Variants in NSL1 observed in about 807,000 individuals in gnomAD.
The protein encoded by NSL1 is kinetochore-associated protein NSL1 homolog.
Under a neutral mutation model 25.4 loss-of-function variants are expected in NSL1, and 11 were observed. That is an observed-to-expected ratio of 0.43 (90% CI 0.27 to 0.72). The LOEUF is 0.72. Ranked by LOEUF, NSL1 falls within the 30% of genes least tolerant of loss-of-function variation. The pLI, the probability that NSL1 is intolerant of heterozygous loss-of-function variation, is 0.19. For synonymous variants in NSL1, 118 were observed against 120.6 expected (o/e 0.98, Z 0.14); for missense variants, 330 against 342.7 (o/e 0.96, Z 0.29).
Position 212,735,123 on chromosome 1 carries a change from G to A in NSL1, c.*3285C>T, listed in dbSNP as rs1031321157. 2.0e-5 allele frequency: 4 copies of A among 197,040 alleles called. No individual in the cohort carries two copies. The highest frequency in any genetic ancestry group is 2.7e-5 in the Non-Finnish European group (3 of 109,100). 12.2% of individuals were successfully genotyped at this position (197,040 alleles called of 1,614,324 possible). ...GCCCAATGTCACTGAACTAATAATG[G>A]TAGAACTGCAATCTGAACCCAGATG... On this transcript the variant is annotated 3_prime_UTR_variant, in exon 6 of 6. Transcript: ENST00000366977.
intron 4 of NSL1, among the ~76,000 whole-genome samples, chr1:212,769,777 G>A (rs922210542): frequency 6.6e-6 from 1 of 152,088 alleles, no homozygotes. Context: ...TAAACAATGA[G>A]AGAAAGGAAC....
At position 212,727,988 on chromosome 1, in the gene NSL1, G is replaced by A. The variant is rs1657856422; in HGVS notation, c.*10420C>T. On this transcript the variant is annotated 3_prime_UTR_variant, in exon 6 of 6. Transcript: ENST00000366977. Reference sequence around the variant, plus strand: ...CAAGGCCTTTGCTGTGAACCACGGGGAGAAGGTGGAAGCAGAGTTTGTGGT... The same window carrying A: ...CAAGGCCTTTGCTGTGAACCACGGGAAGAAGGTGGAAGCAGAGTTTGTGGT... 10 of 985,452 alleles carry A rather than the reference G, an allele frequency of 1.0e-5. No homozygotes were observed. The highest frequency in any genetic ancestry group is 1.2e-5 in the Non-Finnish European group (10 of 829,940). The allele number at this position is 985,452 out of a possible 1,614,324, so 61.0% of individuals were successfully genotyped here.
chr1:212,761,024 C>G (rs972981323), intron 4 of NSL1, among the ~76,000 whole-genome samples: 1 of 152,198 alleles, frequency 6.6e-6, no homozygotes, highest in African/African-American at 2.4e-5. Flanking sequence ...AGAGACTATA[C>G]TATTGCACAC....
chr1:212,736,292 G>C lies in NSL1; in HGVS notation c.*2116C>G. 1 of 946,726 alleles carries C rather than the reference G, an allele frequency of 1.1e-6. No individual in the cohort carries two copies. Among genetic ancestry groups the C allele is most frequent in the Non-Finnish European group, 1.3e-6 (1 of 794,730 alleles). The allele number at this position is 946,726 out of a possible 1,614,324, so 58.6% of individuals were successfully genotyped here. Reference sequence around the variant, plus strand: ...GTCCACTTCAGCCTCCCAAAGTGCTGGGATTACAGGCATGAGCCCACCGCG... The same window carrying C: ...GTCCACTTCAGCCTCCCAAAGTGCTCGGATTACAGGCATGAGCCCACCGCG... On this transcript the variant is annotated 3_prime_UTR_variant, in exon 6 of 6. Coordinates refer to ENST00000366977, the MANE Select transcript of NSL1 (RefSeq NM_015471.4).
intron 4 of NSL1, among the ~76,000 whole-genome samples, chr1:212,754,834 T>G (rs1035930832): frequency 8.7e-5 from 13 of 148,614 alleles, no homozygotes; most frequent in African/African-American, 3.3e-4. Context: ...GAAGCAAAGC[T>G]TACTTAAAGC....
rs1657909908 is a variant in NSL1, at chr1:212,729,272, CCT to C, written c.*9134_*9135del. 2 of 985,376 alleles carry C rather than the reference CCT, an allele frequency of 2.0e-6. No individual in the cohort carries two copies. The highest frequency in any genetic ancestry group is 2.4e-6 in the Non-Finnish European group (2 of 829,924). The allele number at this position is 985,376 out of a possible 1,614,324, so 61.0% of individuals were successfully genotyped here. On this transcript the variant is annotated 3_prime_UTR_variant, in exon 6 of 6. Transcript: ENST00000366977. ...GGGCTCCTAGCCTCTCCCTCAGCTCCCTCTTTTCCCTCTAATGGATCCCTAGA... is the reference window on the plus strand; with the variant it reads ...GGGCTCCTAGCCTCTCCCTCAGCTCCCTTTTCCCTCTAATGGATCCCTAGA...
intron 4 of NSL1, among the ~76,000 whole-genome samples, chr1:212,765,996 C>T (rs1436555220): frequency 5.3e-5 from 8 of 151,430 alleles, no homozygotes; most frequent in Non-Finnish European, 8.8e-5. Context: ...ATTAGCTGGG[C>T]GTGGTGGCGG....
chr1:212,768,985 G>A (rs1331957481), intron 4 of NSL1, among the ~76,000 whole-genome samples: 1 of 152,052 alleles, frequency 6.6e-6, no homozygotes, highest in Non-Finnish European at 1.5e-5. Context: ...GGTGGAGGCT[G>A]CAGTAAGCTA....
intron 4 of NSL1, among the ~76,000 whole-genome samples, chr1:212,764,843 C>CAA (rs3086471): frequency 0.016 from 604 of 38,872 alleles, 1 homozygote; most frequent in Middle Eastern, 0.036. Flanking sequence ...AAGACTGTCT[C>CAA]AAAAAAAAAA....
chr1:212,745,520 T>C (rs1264161952), intron 4 of NSL1, among the ~76,000 whole-genome samples: 1 of 151,940 alleles, frequency 6.6e-6, no homozygotes, highest in African/African-American at 2.4e-5. Flanking sequence ...ACAGCCAATG[T>C]CTCATCAGAA....
chr1:212,729,977 G>A lies in NSL1; in HGVS notation c.*8431C>T, dbSNP rs1005646176. The A allele has an allele frequency of 8.1e-6, 8 of 985,106 alleles. No homozygotes were observed. Among genetic ancestry groups the A allele is most frequent in the Non-Finnish European group, 9.6e-6 (8 of 829,846 alleles). The allele number at this position is 985,106 out of a possible 1,614,324, so 61.0% of individuals were successfully genotyped here. On this transcript the variant is annotated 3_prime_UTR_variant, in exon 6 of 6. Transcript: ENST00000366977. ...TTTTTAAGAATGAAATGGGCCGGGC[G>A]TGGCGGCTCACTCCTGTAATCACAG...
intron 4 of NSL1, among the ~76,000 whole-genome samples, chr1:212,755,075 A>G (rs1477640055): frequency 1.3e-5 from 2 of 152,226 alleles, no homozygotes; most frequent in Non-Finnish European, 2.9e-5. Context: ...TTGCAAATCA[A>G]AAGTCTAAAA....
Position 212,730,931 on chromosome 1 carries a change from T to C in NSL1, c.*7477A>G, listed in dbSNP as rs986423268. ...CCAGGGAAACCGACAAGTTAGAAAT[T>C]TGCAATATGAACTCATTCATTCAAC... is the stretch of plus-strand genomic sequence containing the variant. On this transcript the variant is annotated 3_prime_UTR_variant, in exon 6 of 6. Transcript: ENST00000366977. 3.6e-5 allele frequency: 35 copies of C among 985,194 alleles called. No individual in the cohort carries two copies. The highest frequency in any genetic ancestry group is 4.0e-5 in the Non-Finnish European group (33 of 829,930). The allele number at this position is 985,194 out of a possible 1,614,324, so 61.0% of individuals were successfully genotyped here.
rs750186112 is a variant in NSL1, at chr1:212,738,386, T to G, written c.*22A>C. On this transcript the variant is annotated 3_prime_UTR_variant, in exon 6 of 6. Coordinates refer to ENST00000366977, the MANE Select transcript of NSL1 (RefSeq NM_015471.4). ...AATGTTGATGGTGCCTATTTTCAAC[T>G]CCCAAAATAAACAGAAAGAGCTCAT... 39 of 1,587,170 alleles carry G rather than the reference T, an allele frequency of 2.5e-5. No individual in the cohort carries two copies. Among genetic ancestry groups the G allele is most frequent in the Non-Finnish European group, 3.2e-5 (37 of 1,168,368 alleles).
chr1:212,741,275 T>A (rs1425090656), intron 4 of NSL1, among the ~76,000 whole-genome samples: 1 of 152,174 alleles, frequency 6.6e-6, no homozygotes, highest in African/African-American at 2.4e-5. Flanking sequence ...CCACACTTAC[T>A]CTCTCTTCAA....
At chr1:212,791,377 T>A (rs1661249533) in intron 1 of NSL1, among the ~76,000 whole-genome samples, 153 bp downstream of exon 1, 1 of 152,212 alleles carries the variant, frequency 6.6e-6, no homozygotes, top group Admixed American at 6.5e-5. Context: ...AGCATCTATT[T>A]CTTTCTCCTC....
chr1:212,785,068 T>C (rs965872386), intron 2 of NSL1, among the ~76,000 whole-genome samples: 19 of 152,154 alleles, frequency 1.2e-4, no homozygotes, highest in African/African-American at 4.3e-4. Flanking sequence ...TGATAAAATA[T>C]ATAAGAACCA....
chr1:212,758,476 A>G (rs1477515896), intron 4 of NSL1, among the ~76,000 whole-genome samples: 4 of 152,246 alleles, frequency 2.6e-5, no homozygotes, highest in Non-Finnish European at 5.9e-5. Context: ...ATACAAGATT[A>G]ATATACAAAA....
intron 3 of NSL1, among the ~76,000 whole-genome samples, chr1:212,783,624 C>T (rs546143971): frequency 3.9e-5 from 6 of 152,248 alleles, no homozygotes; most frequent in Middle Eastern, 6.8e-3. Flanking sequence ...ACAACATGTA[C>T]CTCACTGGAG....
Sources: allele counts gnomAD v4.1 joint callset (sites outside exome capture counted in the v4.1 genomes callset), GRCh38; gene constraint gnomAD v4.1.1; transcripts MANE v1.5; gene names NCBI Gene and HGNC (gene_info 2026-07-23, HGNC 2026-07-21).